The following SNX29 variants were observed in gnomAD, a reference collection of about 807,000 sequenced individuals.
SNX29 encodes sorting nexin 29.
In SNX29, 78 loss-of-function variants were observed where a neutral mutation model predicts 102.1. The observed-to-expected ratio is 0.76, with a 90% CI of 0.64 to 0.92. SNX29 has a LOEUF of 0.92. Among genes scored for constraint, SNX29 ranks in the 40% least tolerant of loss-of-function variants. The pLI is 0.00. For synonymous variants in SNX29, 580 were observed against 414.5 expected (o/e 1.40, Z -4.85); for missense variants, 1,280 against 1,061.7 (o/e 1.21, Z -2.86).
chr16:12,568,369 G>T (rs561678917), intron 20 of SNX29, 137 bp from the exon 21 acceptor site: 2 of 1,184,372 alleles, frequency 1.7e-6, no homozygotes, highest in Non-Finnish European at 2.4e-6. Context: ...GGTGGCACCA[G>T]TTAGAGGCAG....
chr16:12,432,917 A>G (rs1007807863), intron 18 of SNX29, among the ~76,000 whole-genome samples: 14 of 152,296 alleles, frequency 9.2e-5, no homozygotes, highest in Admixed American at 7.2e-4. Flanking sequence ...GTTTTAGGGA[A>G]GGGCTTTGGT....
intron 15 of SNX29, among the ~76,000 whole-genome samples, chr16:12,301,639 G>C (rs1270338322): frequency 2.0e-5 from 3 of 152,148 alleles, no homozygotes; most frequent in East Asian, 1.9e-4. Flanking sequence ...GCTCTTTATG[G>C]TCCATCTCCC....
intron 8 of SNX29, among the ~76,000 whole-genome samples, chr16:12,056,625 C>T (rs1166628423): frequency 4.6e-5 from 7 of 152,128 alleles, no homozygotes; most frequent in African/African-American, 7.2e-5. Context: ...GTCTTTAAGA[C>T]CCTCTGTTGG....
chr16:12,315,577 G>C (rs2080705343), intron 15 of SNX29, among the ~76,000 whole-genome samples: 1 of 152,164 alleles, frequency 6.6e-6, no homozygotes, highest in Non-Finnish European at 1.5e-5. Flanking sequence ...CTGTGTGCGT[G>C]CAGAGATGAG....
intron 14 of SNX29, among the ~76,000 whole-genome samples, chr16:12,240,905 C>T (rs1000245478): frequency 1.3e-5 from 2 of 152,116 alleles, no homozygotes; most frequent in African/African-American, 4.8e-5. Context: ...CGCACCTTGC[C>T]ATCTTTGTCA....
At chr16:12,357,807 C>G (rs1378307966) in intron 16 of SNX29, among the ~76,000 whole-genome samples, 1 of 152,116 alleles carries the variant, frequency 6.6e-6, no homozygotes, top group Non-Finnish European at 1.5e-5. Context: ...TCTCTCTCTC[C>G]CCTTCTCTCT....
At position 12,378,931 on chromosome 16, in the gene SNX29, A is replaced by G. The variant is rs199535945; in HGVS notation, c.1900-19515A>G. Among the ~76,000 whole-genome samples the G allele has an allele frequency of 1.4e-4, 22 of 152,288 alleles. No homozygotes were observed. The East Asian group carries it at 4.1e-3, about 28-fold the overall frequency. On this transcript the variant is annotated intron_variant, in intron 16 of 20. Coordinates refer to ENST00000566228, the MANE Select transcript of SNX29 (RefSeq NM_032167.5). ...GCAGAAACCCCCAGATTCACTCTGA[A>G]CCATGTTAGTTAATTGACCCATCCT...
intron 20 of SNX29, chr16:12,526,983 A>G: frequency 2.5e-6 from 1 of 402,648 alleles, no homozygotes; most frequent in South Asian, 2.5e-5. Flanking sequence ...GGTTCGATTT[A>G]TGGACTTTTC....
At chr16:11,982,664 C>T (rs1333998521) in intron 1 of SNX29, among the ~76,000 whole-genome samples, 2 of 151,966 alleles carry the variant, frequency 1.3e-5, no homozygotes, top group Non-Finnish European at 2.9e-5. Flanking sequence ...CTCCTGACCT[C>T]GTGAACCACC....
In SNX29 at chr16:12,571,332, C is replaced by G. The variant is rs138943691; in HGVS notation, c.*2703C>G. 2.0e-3 allele frequency: 463 copies of G among 231,564 alleles called. 2 individuals are homozygous for G. Among genetic ancestry groups the G allele is most frequent in the African/African-American group, 9.4e-3 (428 of 45,332 alleles). 14.3% of individuals were successfully genotyped at this position (231,564 alleles called of 1,614,324 possible). Reference sequence around the variant, plus strand: ...TGTCAACTGCCTGTCAGCCTGGATTCAATTCTGAGGGCTAAGCCACGACCT... The same window carrying G: ...TGTCAACTGCCTGTCAGCCTGGATTGAATTCTGAGGGCTAAGCCACGACCT... On this transcript the variant is annotated 3_prime_UTR_variant, in exon 21 of 21. Coordinates refer to ENST00000566228, the MANE Select transcript of SNX29 (RefSeq NM_032167.5).
Position 12,571,416 on chromosome 16 carries a change from T to A in SNX29, c.*2787T>A. 1 of 232,008 alleles carries A rather than the reference T, an allele frequency of 4.3e-6. No homozygotes were observed. Among genetic ancestry groups the A allele is most frequent in the East Asian group, 6.3e-5 (1 of 15,914 alleles). 14.4% of individuals were successfully genotyped at this position (232,008 alleles called of 1,614,324 possible). On this transcript the variant is annotated 3_prime_UTR_variant, in exon 21 of 21. Transcript: ENST00000566228. ...GGATTGCTTGCACCTCACATCTGTC[T>A]TCTTCTAAGATTACTCGGAGATTTT...
chr16:12,207,551 C>T (rs2077076884), intron 14 of SNX29, among the ~76,000 whole-genome samples: 1 of 152,128 alleles, frequency 6.6e-6, no homozygotes, highest in South Asian at 2.1e-4. Flanking sequence ...CAGTGTCTCG[C>T]TCTCACTGCT....
intron 20 of SNX29, 78 bp from the exon 21 acceptor site, chr16:12,568,428 A>G (rs2079105200): frequency 6.3e-7 from 1 of 1,575,518 alleles, no homozygotes; most frequent in South Asian, 1.2e-5. Flanking sequence ...CTGCCCTCAC[A>G]CCTGGCTCCC....
chr16:12,266,254 C>T lies in SNX29; in HGVS notation c.1679-11679C>T, dbSNP rs1021785795. Among the ~76,000 whole-genome samples the T allele has an allele frequency of 4.6e-5, 7 of 152,172 alleles. 1 individual carries two copies. The highest frequency in any genetic ancestry group is 3.9e-4 in the Admixed American group (6 of 15,274). On this transcript the variant is annotated intron_variant, in intron 14 of 20. Coordinates refer to ENST00000566228, the MANE Select transcript of SNX29 (RefSeq NM_032167.5). ...GTTGTTTTTCCGTTTATACTCACAC[C>T]GCTCTCAACACACCATTTTTGCCGC... is the stretch of plus-strand genomic sequence containing the variant.
At chr16:12,257,308 G>T (rs1031687495) in intron 14 of SNX29, among the ~76,000 whole-genome samples, 1 of 152,102 alleles carries the variant, frequency 6.6e-6, no homozygotes. Flanking sequence ...TTCTGCTTTC[G>T]ACTGGAGGGC....
chr16:12,476,425 T>TATAC (rs2087647943), intron 18 of SNX29, among the ~76,000 whole-genome samples: 1 of 80,276 alleles, frequency 1.2e-5, no homozygotes, highest in Non-Finnish European at 2.4e-5. Context: ...TATATATATA[T>TATAC]ATATATATAT....
chr16:12,242,570 T>TCTTCTTCTTTA (rs1471620714), intron 14 of SNX29, among the ~76,000 whole-genome samples: 1 of 151,332 alleles, frequency 6.6e-6, no homozygotes, highest in African/African-American at 2.4e-5. Flanking sequence ...CCGGCTCTTT[T>TCTTCTTCTTTA]CTTCTTCTTT....
At chr16:12,557,199 C>G (rs12447208) in intron 20 of SNX29, 1 of 152,102 alleles carries the variant, frequency 6.6e-6, no homozygotes, top group Non-Finnish European at 1.5e-5. Context: ...CTCCAGGGCT[C>G]CAGAGGGAAA....
intron 16 of SNX29, among the ~76,000 whole-genome samples, chr16:12,385,814 A>G (rs754390097): frequency 4.6e-5 from 7 of 152,242 alleles, no homozygotes; most frequent in Non-Finnish European, 1.0e-4. Context: ...CATAACAGAT[A>G]CAGAAAGAAT....
Sources: gnomAD v4.1 joint callset for allele counts (sites outside exome capture counted in the v4.1 genomes callset) on GRCh38, gnomAD v4.1.1 for gene constraint, MANE v1.5 for transcripts, NCBI Gene and HGNC (gene_info 2026-07-23, HGNC 2026-07-21) for gene names.